SYN3: variants seen among roughly 807,000 people sequenced by gnomAD.
The protein encoded by SYN3 is synapsin-3.
In SYN3, 35 loss-of-function variants were observed where a neutral mutation model predicts 65.8. The ratio of observed to expected loss-of-function variants is 0.53; its 90% CI spans 0.41 to 0.70. The LOEUF is 0.70. Among genes scored for constraint, SYN3 ranks in the 30% least tolerant of loss-of-function variants. SYN3 has a pLI of 0.00. For missense variants in SYN3, 680 were observed against 749.0 expected, an observed-to-expected ratio of 0.91 and a Z score of 1.08; for synonymous variants, 270 against 292.9, an observed-to-expected ratio of 0.92 and a Z score of 0.80.
chr22:32,519,373 G>A (rs924820883), intron 12 of SYN3: 1 of 151,684 alleles, frequency 6.6e-6, no homozygotes, highest in African/African-American at 2.4e-5. Flanking sequence ...ACAACGACAA[G>A]AATTAACTCT....
chr22:32,542,392 A>C (rs1181646149), intron 7 of SYN3, among the ~76,000 whole-genome samples: 3 of 151,014 alleles, frequency 2.0e-5, no homozygotes, highest in Admixed American at 2.0e-4. Flanking sequence ...GTGTGTTTGC[A>C]TATTTGCTGT....
chr22:32,606,233 A>G (rs911517014), intron 6 of SYN3, among the ~76,000 whole-genome samples: 1 of 152,188 alleles, frequency 6.6e-6, no homozygotes, highest in Non-Finnish European at 1.5e-5. Context: ...AGGAAGCCTG[A>G]GGCCCAGGTT....
intron 8 of SYN3, among the ~76,000 whole-genome samples, chr22:32,539,639 G>A (rs1295533197): frequency 6.6e-6 from 1 of 152,212 alleles, no homozygotes. Context: ...GGGTTGAATG[G>A]CCGGGGAAAT....
intron 4 of SYN3, among the ~76,000 whole-genome samples, chr22:32,873,226 C>G (rs936979338): frequency 6.6e-6 from 1 of 152,216 alleles, no homozygotes; most frequent in Non-Finnish European, 1.5e-5. Flanking sequence ...GCCGGGATTA[C>G]AGACGTGAGC....
intron 6 of SYN3, among the ~76,000 whole-genome samples, chr22:32,615,120 A>G (rs1221482245): frequency 6.6e-6 from 1 of 152,192 alleles, no homozygotes; most frequent in African/African-American, 2.4e-5. Context: ...TTTGAAAGCT[A>G]CAGATGGGAG....
In SYN3 at chr22:32,702,754, G is replaced by C. The variant is rs1022749847; in HGVS notation, c.712-106018C>G. ...TAAAATTAGAAAAAAAAATGACAGT[G>C]GTTTTAAGAGTACCATAGTTCCTGT... On this transcript the variant is annotated intron_variant, in intron 6 of 13. Coordinates refer to ENST00000358763, the MANE Select transcript of SYN3 (RefSeq NM_003490.4). Among the ~76,000 whole-genome samples the C allele has an allele frequency of 3.3e-5, 5 of 152,196 alleles. No individual in the cohort carries two copies. In the East Asian group the frequency reaches 9.7e-4, roughly 29 times the overall value.
chr22:32,720,442 A>C (rs893293140), intron 6 of SYN3, among the ~76,000 whole-genome samples: 21 of 152,194 alleles, frequency 1.4e-4, no homozygotes, highest in Non-Finnish European at 2.8e-4. Flanking sequence ...TGCCCAAGTG[A>C]CTTGCCCATG....
chr22:32,515,838 ACC>A (rs2057762530), intron 13 of SYN3, among the ~76,000 whole-genome samples: 3 of 151,370 alleles, frequency 2.0e-5, no homozygotes, highest in Admixed American at 1.3e-4. Flanking sequence ...TTGCTCTGTC[ACC>A]CAGGCTGGAG....
intron 4 of SYN3, among the ~76,000 whole-genome samples, chr22:32,928,489 A>T (rs934211786): frequency 1.3e-5 from 2 of 152,236 alleles, no homozygotes; most frequent in African/African-American, 4.8e-5. Context: ...AGTGTTGAAG[A>T]TCTCATGCAA....
chr22:32,989,835 CAAA>C (rs112695934), intron 2 of SYN3, among the ~76,000 whole-genome samples: 6 of 88,148 alleles, frequency 6.8e-5, no homozygotes, highest in African/African-American at 2.3e-4. Flanking sequence ...ACTCCATCTT[CAAA>C]AAAAAAAAAA....
At chr22:32,956,187 GTTCTGTCGCCCAGGC>G (rs777088179) in intron 3 of SYN3, among the ~76,000 whole-genome samples, 7,915 of 124,198 alleles carry the variant, frequency 0.064, 224 homozygotes, top group Middle Eastern at 0.13. Context: ...ACAGAGTCTT[GTTCTGTCGCCCAGGC>G]CAGAATGCAG....
chr22:32,983,062 T>C (rs185634537), intron 2 of SYN3, among the ~76,000 whole-genome samples: 1 of 152,310 alleles, frequency 6.6e-6, no homozygotes, highest in Admixed American at 6.5e-5. Flanking sequence ...AAAGTTTCCA[T>C]TTTCTCTTTT....
At chr22:32,828,392 A>G (rs1345343170) in intron 6 of SYN3, among the ~76,000 whole-genome samples, 1 of 152,234 alleles carries the variant, frequency 6.6e-6, no homozygotes, top group Non-Finnish European at 1.5e-5. Context: ...CCTCTAAAAA[A>G]TTCTGCCATC....
intron 3 of SYN3, among the ~76,000 whole-genome samples, chr22:32,963,265 T>C (rs897510876): frequency 9.0e-5 from 13 of 144,224 alleles, no homozygotes; most frequent in South Asian, 8.7e-4. Flanking sequence ...TTTTTTTTTT[T>C]CAGTAGAGAC....
At chr22:32,555,525 G>A (rs530750789) in intron 7 of SYN3, among the ~76,000 whole-genome samples, 5 of 152,254 alleles carry the variant, frequency 3.3e-5, no homozygotes, top group South Asian at 4.2e-4. Context: ...TGTGATGGCC[G>A]GGACATACTG....
At chr22:32,745,267 A>G (rs951570013) in intron 6 of SYN3, among the ~76,000 whole-genome samples, 6 of 152,122 alleles carry the variant, frequency 3.9e-5, no homozygotes, top group African/African-American at 1.4e-4. Flanking sequence ...CCTGTTCCCC[A>G]TGCACACCCT....
intron 6 of SYN3, among the ~76,000 whole-genome samples, chr22:32,808,420 G>T (rs1289882534): frequency 6.6e-6 from 1 of 152,182 alleles, no homozygotes; most frequent in Non-Finnish European, 1.5e-5. Context: ...AGGGAGGCTG[G>T]GTGGACCCCA....
chr22:32,992,565 C>A (rs1422466818), intron 2 of SYN3, among the ~76,000 whole-genome samples: 2 of 152,166 alleles, frequency 1.3e-5, no homozygotes, highest in Admixed American at 6.5e-5. Context: ...GTAATCCCAG[C>A]ACTTTGGGAG....
intron 1 of SYN3, chr22:33,015,479 A>G: frequency 9.3e-6 from 2 of 215,654 alleles, no homozygotes; most frequent in South Asian, 1.7e-4. Context: ...TTACTACTTT[A>G]ATTTAGCTGA....
Sources: allele counts gnomAD v4.1 joint callset (sites outside exome capture counted in the v4.1 genomes callset), GRCh38; gene constraint gnomAD v4.1.1; transcripts MANE v1.5; gene names NCBI Gene and HGNC (gene_info 2026-07-23, HGNC 2026-07-21).